Variants in GALNT18 observed in about 807,000 individuals in gnomAD.
The protein encoded by GALNT18 is polypeptide N-acetylgalactosaminyltransferase 18.
GALNT18 carries 44 observed loss-of-function variants against 69.5 expected under a neutral mutation model. That is an observed-to-expected ratio of 0.63 (90% CI 0.50 to 0.81). GALNT18 has a LOEUF of 0.81. Among genes scored for constraint, GALNT18 ranks in the 40% least tolerant of loss-of-function variants. The pLI is 0.00. For missense variants in GALNT18, 715 were observed against 810.0 expected (o/e 0.88, Z 1.42); for synonymous variants, 364 against 318.2 (o/e 1.14, Z -1.53).
intron 1 of GALNT18, among the ~76,000 whole-genome samples, chr11:11,478,502 A>G (rs1044125366): frequency 6.6e-5 from 10 of 152,168 alleles, no homozygotes; most frequent in African/African-American, 2.2e-4. Flanking sequence ...TCATGCCCCA[A>G]ACGGCAGCAC....
At chr11:11,431,207 T>A (rs1414853479) in intron 3 of GALNT18, among the ~76,000 whole-genome samples, 1 of 152,198 alleles carries the variant, frequency 6.6e-6, no homozygotes, top group African/African-American at 2.4e-5. Context: ...GGGGAATGTT[T>A]TCATCCTTGA....
intron 1 of GALNT18, among the ~76,000 whole-genome samples, chr11:11,531,617 G>A (rs555148831): frequency 3.3e-5 from 5 of 152,148 alleles, no homozygotes; most frequent in Non-Finnish European, 5.9e-5. Context: ...TTCCCCTCCT[G>A]CAGTGCTTTG....
In GALNT18 at chr11:11,555,982, C is replaced by T. The variant is rs1858324016; in HGVS notation, c.235+65377G>A. ...TCTGAGTCCTCTAACCGAGATCAGA[C>T]TTAAGTCAACACCAGAAATCAACAG... On this transcript the variant is annotated intron_variant, in intron 1 of 10. Coordinates refer to ENST00000227756, the MANE Select transcript of GALNT18 (RefSeq NM_198516.3). This position sits in a 1 kb window ranked among gnomAD's most constrained non-coding sequence, Gnocchi z 4.7. 2.0e-5 allele frequency among the ~76,000 whole-genome samples: 3 copies of T among 152,344 alleles called. No homozygotes were observed. Among genetic ancestry groups the T allele is most frequent in the East Asian group, 3.9e-4 (2 of 5,190 alleles).
At chr11:11,312,030 C>G (rs964693238) in intron 9 of GALNT18, among the ~76,000 whole-genome samples, 1 of 152,192 alleles carries the variant, frequency 6.6e-6, no homozygotes, top group African/African-American at 2.4e-5. Context: ...AATCTCGGCT[C>G]ACTGCAAGCT....
chr11:11,451,863 G>T (rs970657258), intron 1 of GALNT18, among the ~76,000 whole-genome samples: 1 of 152,186 alleles, frequency 6.6e-6, no homozygotes, highest in African/African-American at 2.4e-5. Flanking sequence ...TCGAATAAAG[G>T]CCTGGCTCCT....
At chr11:11,599,113 G>T (rs558448705) in intron 1 of GALNT18, among the ~76,000 whole-genome samples, 2 of 151,946 alleles carry the variant, frequency 1.3e-5, no homozygotes, top group Admixed American at 1.3e-4. Flanking sequence ...GGTCTAATTG[G>T]TTTATACTTT....
chr11:11,341,720 C>T lies in GALNT18; in HGVS notation c.1093-716G>A, dbSNP rs376337965. Among the ~76,000 whole-genome samples the T allele has an allele frequency of 1.4e-4, 22 of 152,256 alleles. No individual in the cohort carries two copies. The South Asian group carries it at 2.7e-3, about 19-fold the overall frequency. ...CAGCCATCCTGACCTTTCAATGTTC[C>T]TGAACTTGCACTCTTTTGTGCTTCT... On this transcript the variant is annotated intron_variant, in intron 6 of 10. Transcript: ENST00000227756. The surrounding 1 kb of genome is among the most constrained non-coding windows in gnomAD (Gnocchi z 6.3).
intron 8 of GALNT18, among the ~76,000 whole-genome samples, chr11:11,331,326 C>T (rs1850013679): frequency 6.6e-6 from 1 of 152,112 alleles, no homozygotes; most frequent in Non-Finnish European, 1.5e-5. Context: ...ATAACACTGT[C>T]TCCTACAATC....
rs1426956845 is a variant in GALNT18, at chr11:11,436,618, C to T, written c.429-3831G>A. The stretch of plus-strand genomic sequence containing the variant: ...TCCCTTTCAGTTTCCACAAAACACA[C>T]GTTCATGCCACATCATGACACGGTC... On this transcript the variant is annotated intron_variant, in intron 2 of 10. Coordinates refer to ENST00000227756, the MANE Select transcript of GALNT18 (RefSeq NM_198516.3). This position sits in a 1 kb window ranked among gnomAD's most constrained non-coding sequence, Gnocchi z 4.5. Among the ~76,000 whole-genome samples, 3 of 152,190 alleles carry T rather than the reference C, an allele frequency of 2.0e-5. No individual in the cohort carries two copies. Among genetic ancestry groups the T allele is most frequent in the African/African-American group, 2.4e-5 (1 of 41,442 alleles).
At position 11,480,445 on chromosome 11, in the gene GALNT18, T is replaced by C. The variant is rs924907652; in HGVS notation, c.236-31509A>G. On this transcript the variant is annotated intron_variant, in intron 1 of 10. Coordinates refer to ENST00000227756, the MANE Select transcript of GALNT18 (RefSeq NM_198516.3). This position sits in a 1 kb window ranked among gnomAD's most constrained non-coding sequence, Gnocchi z 4.6. ...TCTTCCTCTGGCCTAATGGTCTGAA[T>C]TGGTTCCAGGTAGTGGTTTCTCTTA... Among the ~76,000 whole-genome samples, 1 of 152,222 alleles carries C rather than the reference T, an allele frequency of 6.6e-6. No homozygotes were observed. Among genetic ancestry groups the C allele is most frequent in the Non-Finnish European group, 1.5e-5 (1 of 68,044 alleles).
chr11:11,493,459 C>T (rs923384359), intron 1 of GALNT18, among the ~76,000 whole-genome samples: 22 of 152,018 alleles, frequency 1.4e-4, no homozygotes, highest in African/African-American at 5.1e-4. Context: ...AAGCCTGATA[C>T]GTTCCTTGAT....
intron 1 of GALNT18, among the ~76,000 whole-genome samples, chr11:11,554,640 G>T (rs1198086149): frequency 6.6e-6 from 1 of 152,092 alleles, no homozygotes; most frequent in Non-Finnish European, 1.5e-5. Flanking sequence ...AAATGTATTT[G>T]TTCACAGAAC....
chr11:11,497,228 T>G lies in GALNT18; in HGVS notation c.236-48292A>C, dbSNP rs898884488. Among the ~76,000 whole-genome samples, 1 of 152,104 alleles carries G rather than the reference T, an allele frequency of 6.6e-6. No homozygotes were observed. The highest frequency in any genetic ancestry group is 1.5e-5 in the Non-Finnish European group (1 of 68,024). ...CATCAGCACCCTCAACTGACCCTTGTCAGTCCCTCTACCAAAGCCTTGTGT... is the reference window on the plus strand; with the variant it reads ...CATCAGCACCCTCAACTGACCCTTGGCAGTCCCTCTACCAAAGCCTTGTGT... On this transcript the variant is annotated intron_variant, in intron 1 of 10. Transcript: ENST00000227756. This position sits in a 1 kb window ranked among gnomAD's most constrained non-coding sequence, Gnocchi z 4.2.
chr11:11,485,074 A>G (rs193134386), intron 1 of GALNT18, among the ~76,000 whole-genome samples: 16 of 152,354 alleles, frequency 1.1e-4, no homozygotes, highest in African/African-American at 3.8e-4. Context: ...ACCTGTCAGA[A>G]GACAATGTAG....
chr11:11,612,513 G>A lies in GALNT18; in HGVS notation c.235+8846C>T, dbSNP rs145427961. On this transcript the variant is annotated intron_variant, in intron 1 of 10. Coordinates refer to ENST00000227756, the MANE Select transcript of GALNT18 (RefSeq NM_198516.3). The stretch of plus-strand genomic sequence containing the variant: ...CTGTTCTCCTAAATCCCCAGATGCC[G>A]CTAGCACAACATTTATTAAGCCAAG... Among the ~76,000 whole-genome samples the A allele has an allele frequency of 2.0e-3, 298 of 152,278 alleles. 2 individuals are homozygous for A. Among genetic ancestry groups the A allele is most frequent in the African/African-American group, 6.6e-3 (275 of 41,564 alleles).
At chr11:11,313,367 A>G (rs1268379239) in intron 9 of GALNT18, among the ~76,000 whole-genome samples, 1 of 152,232 alleles carries the variant, frequency 6.6e-6, no homozygotes, top group Admixed American at 6.5e-5. Flanking sequence ...CTCCAACCAT[A>G]TCTTAGAAAC....
Position 11,372,488 on chromosome 11 carries a change from G to C in GALNT18, c.1092+27C>G, listed in dbSNP as rs1288851279. 6.4e-7 allele frequency: 1 copy of C among 1,572,412 alleles called. No homozygotes were observed. Among genetic ancestry groups the C allele is most frequent in the South Asian group, 1.1e-5 (1 of 90,248 alleles). On this transcript the variant is annotated intron_variant, in intron 6 of 10. Transcript: ENST00000227756. The surrounding 1 kb of genome is among the most constrained non-coding windows in gnomAD (Gnocchi z 4.9). ...TTCACCCTGGTGGGAGCTGAGCCGA[G>C]CAGTTTGAGTGAGAAACCCCACTCA... is the stretch of plus-strand genomic sequence containing the variant.
chr11:11,291,336 C>T (rs143280109), intron 10 of GALNT18, among the ~76,000 whole-genome samples: 1 of 152,288 alleles, frequency 6.6e-6, no homozygotes, highest in East Asian at 1.9e-4. Flanking sequence ...TGAACTATTT[C>T]ATAAATAATG....
intron 3 of GALNT18, among the ~76,000 whole-genome samples, chr11:11,408,130 C>G (rs1237553648): frequency 6.6e-6 from 1 of 152,106 alleles, no homozygotes; most frequent in Non-Finnish European, 1.5e-5. Flanking sequence ...CTTTGGAAGG[C>G]CAAGGCAGGC....
Sources: allele counts gnomAD v4.1 joint callset (sites outside exome capture counted in the v4.1 genomes callset), GRCh38; gene constraint gnomAD v4.1.1; non-coding constraint Gnocchi (gnomAD v3.1); transcripts MANE v1.5; gene names NCBI Gene and HGNC (gene_info 2026-07-23, HGNC 2026-07-21).